The following USP13 variants were observed in gnomAD, a reference collection of about 807,000 sequenced individuals.
USP13 encodes ubiquitin carboxyl-terminal hydrolase 13.
In USP13, 68 loss-of-function variants were observed where a neutral mutation model predicts 107.8. The observed-to-expected ratio is 0.63, with a 90% CI of 0.52 to 0.77. The LOEUF (loss-of-function observed/expected upper bound fraction) is 0.77. USP13 is among the 30% of genes least tolerant of loss of function. The probability of loss-of-function intolerance (pLI) is 0.00; values close to 1 mark genes in which losing one functional copy is unlikely to be tolerated. For synonymous variants in USP13, 377 were observed against 389.5 expected (o/e 0.97, Z 0.38); for missense variants, 945 against 1,093.3 (o/e 0.86, Z 1.91).
chr3:179,669,340 G>T (rs1204339118), intron 1 of USP13, among the ~76,000 whole-genome samples: 2 of 152,014 alleles, frequency 1.3e-5, no homozygotes, highest in East Asian at 1.9e-4. Flanking sequence ...CACGCCTGTG[G>T]TCCCAGCTAC....
At position 179,732,453 on chromosome 3, in the gene USP13, C is replaced by T. The variant is rs560926984; in HGVS notation, c.1254+1744C>T. ...GGTGGTGAAGGAGCTGGGAGTCGGA[C>T]TCAGGAGCCTGGCTTTCCCTTCTGG... On this transcript the variant is annotated intron_variant, in intron 10 of 20. Coordinates refer to ENST00000263966, the MANE Select transcript of USP13 (RefSeq NM_003940.3). Among the ~76,000 whole-genome samples the T allele has an allele frequency of 7.2e-5, 11 of 152,278 alleles. No homozygotes were observed. In the South Asian group the frequency reaches 2.1e-3, roughly 29 times the overall value.
chr3:179,772,290 T>C (rs1171528782), intron 19 of USP13, among the ~76,000 whole-genome samples: 2 of 152,262 alleles, frequency 1.3e-5, no homozygotes, highest in Non-Finnish European at 2.9e-5. Flanking sequence ...ATTTCTGTTT[T>C]CATGTTTCAC....
In USP13 at chr3:179,693,326, T is replaced by A. The variant is rs573240925; in HGVS notation, c.355+3025T>A. Among the ~76,000 whole-genome samples the A allele has an allele frequency of 5.3e-3, 804 of 152,028 alleles. 11 individuals carry two copies. Among genetic ancestry groups the A allele is most frequent in the African/African-American group, 0.017 (702 of 41,454 alleles). ...ACCACACATGGTTAATTAAAAAAAA[T>A]TTTTTTTAAAGTGATGGGGTCTCAC... On this transcript the variant is annotated intron_variant, in intron 3 of 20. Coordinates refer to ENST00000263966, the MANE Select transcript of USP13 (RefSeq NM_003940.3).
intron 6 of USP13, among the ~76,000 whole-genome samples, chr3:179,714,892 G>T (rs1276746680): frequency 7.1e-6 from 1 of 141,440 alleles, no homozygotes. Context: ...TTTGTTTGAG[G>T]CAGGGTCTCA....
At position 179,761,150 on chromosome 3, in the gene USP13, G is replaced by A. The variant is rs61733591; in HGVS notation, c.1987G>A (p.Glu663Lys). The A allele has an allele frequency of 1.3e-5, 21 of 1,614,072 alleles. No individual in the cohort carries two copies. In the African/African-American group the frequency reaches 2.1e-4, roughly 16 times the overall value. ...IDESSVMQLAEMGFPLEACRK... is the reference protein window; with the variant it reads ...IDESSVMQLAKMGFPLEACRK... ...TGAGTCATCAGTGATGCAGCTGGCC[G>A]AGATGGGTTTCCCGCTGGAAGCATG... is the stretch of plus-strand genomic sequence containing the variant. The change falls in exon 17 of 21, where the codon GAG becomes AAG. Residue 663 changes from glutamate (E) to lysine (K), a missense_variant. Coordinates refer to ENST00000263966, the MANE Select transcript of USP13 (RefSeq NM_003940.3).
In USP13 at chr3:179,742,051, T is replaced by A; in HGVS notation, c.1381-146T>A. On this transcript the variant is annotated intron_variant, in intron 11 of 20. Transcript: ENST00000263966. This position sits in a 1 kb window ranked among gnomAD's most constrained non-coding sequence, Gnocchi z 5.0. The stretch of plus-strand genomic sequence containing the variant: ...CTTTAGATAAATTCCAGTGTTTTTC[T>A]ATTAAAGTGCTTTGGTGAATGGGCA... 1.1e-6 allele frequency: 1 copy of A among 937,678 alleles called. No homozygotes were observed. Among genetic ancestry groups the A allele is most frequent in the Non-Finnish European group, 1.5e-6 (1 of 654,832 alleles). 58.1% of individuals were successfully genotyped at this position (937,678 alleles called of 1,614,324 possible).
intron 13 of USP13, among the ~76,000 whole-genome samples, chr3:179,747,851 G>A (rs1714463311): frequency 6.6e-6 from 1 of 152,166 alleles, no homozygotes; most frequent in South Asian, 2.1e-4. Context: ...TAGAATCCTG[G>A]AGGAGGGGTT....
At chr3:179,720,174 AT>A in intron 7 of USP13, 140 bp downstream of exon 7, 1 of 538,582 alleles carries the variant, frequency 1.9e-6, no homozygotes, top group Non-Finnish European at 3.0e-6. Flanking sequence ...TAATTGTTGC[AT>A]TTACTTCTTG....
rs573888994 is a variant in USP13, at chr3:179,769,761, C to T, written c.2413+3913C>T. 3.9e-5 allele frequency among the ~76,000 whole-genome samples: 6 copies of T among 152,204 alleles called. No individual in the cohort carries two copies. In the South Asian group the frequency reaches 1.2e-3, roughly 32 times the overall value. Reference sequence around the variant, plus strand: ...TCAATTCACAGAAGTACAGCATATGCCTAATGTAATCCCTATCCAGGGAAT... The same window carrying T: ...TCAATTCACAGAAGTACAGCATATGTCTAATGTAATCCCTATCCAGGGAAT... On this transcript the variant is annotated intron_variant, in intron 19 of 20. Coordinates refer to ENST00000263966, the MANE Select transcript of USP13 (RefSeq NM_003940.3).
rs1372201136 is a variant in USP13, at chr3:179,741,774, A to G, written c.1381-423A>G. On this transcript the variant is annotated intron_variant, in intron 11 of 20. Transcript: ENST00000263966. ...TCACTTAAATGTTTGCCACATCATC[A>G]CATCTGTTAACAGAGCATAATTTCT... 2.0e-5 allele frequency among the ~76,000 whole-genome samples: 3 copies of G among 152,356 alleles called. No individual in the cohort carries two copies. The East Asian group carries it at 5.8e-4, about 29-fold the overall frequency.
In USP13 at chr3:179,698,212, C is replaced by A. The variant is rs139728915; in HGVS notation, c.356-2796C>A. The stretch of plus-strand genomic sequence containing the variant: ...GAATACTCAGATTTCACAGAAGATC[C>A]CCACATGGTACCATGGTCTTGCAGC... On this transcript the variant is annotated intron_variant, in intron 3 of 20. Transcript: ENST00000263966. 5.9e-3 allele frequency among the ~76,000 whole-genome samples: 895 copies of A among 152,116 alleles called. 9 individuals carry two copies. The highest frequency in any genetic ancestry group is 0.021 in the African/African-American group (851 of 41,500).
intron 3 of USP13, among the ~76,000 whole-genome samples, chr3:179,694,584 C>T (rs1712220809): frequency 6.6e-6 from 1 of 151,996 alleles, no homozygotes. Context: ...GGGTGGATCA[C>T]CTGAGGTCAG....
intron 1 of USP13, among the ~76,000 whole-genome samples, chr3:179,680,240 T>C (rs527629229): frequency 6.6e-6 from 1 of 152,136 alleles, no homozygotes; most frequent in Non-Finnish European, 1.5e-5. Context: ...ACAATATACA[T>C]GAAGCATATC....
chr3:179,699,504 G>A (rs1712433155), intron 3 of USP13, among the ~76,000 whole-genome samples: 1 of 151,944 alleles, frequency 6.6e-6, no homozygotes, highest in African/African-American at 2.4e-5. Flanking sequence ...TTGAGGCAAG[G>A]TATTTGAGAC....
intron 19 of USP13, among the ~76,000 whole-genome samples, chr3:179,774,770 A>G (rs989367058): frequency 2.6e-5 from 4 of 152,036 alleles, no homozygotes; most frequent in Non-Finnish European, 5.9e-5. Context: ...ATCTGACCCC[A>G]CCCACATCCT....
At chr3:179,756,930 C>CA (rs1714825638) in intron 15 of USP13, 122 bp from the exon 16 acceptor site, 2 of 949,084 alleles carry the variant, frequency 2.1e-6, no homozygotes, top group South Asian at 3.0e-5. Context: ...GGATTGACAA[C>CA]AGTGTGTGGT....
rs539404108 is a variant in USP13 at position 179,693,668 on chromosome 3, G to GTTTA, written c.355+3387_355+3390dup. On this transcript the variant is annotated intron_variant, in intron 3 of 20. Coordinates refer to ENST00000263966, the MANE Select transcript of USP13 (RefSeq NM_003940.3). ...GTAAATTTAAAACACTAGTAACTTT[G>GTTTA]TTTATTTATTTATTTATTTATTTGA... 3.3e-4 allele frequency among the ~76,000 whole-genome samples: 50 copies of GTTTA among 151,878 alleles called. 1 individual carries two copies. In the South Asian group the frequency reaches 5.8e-3, roughly 18 times the overall value.
rs201656386 is a variant in USP13 at position 179,761,299 on chromosome 3, C to T, written c.2092+44C>T. On this transcript the variant is annotated intron_variant, in intron 17 of 20. Coordinates refer to ENST00000263966, the MANE Select transcript of USP13 (RefSeq NM_003940.3). Reference sequence around the variant, plus strand: ...GAATGGCTTTGGAGTCTGATGTGACCCTCAGTGATGCTGAGTCCTGGTCCT... The same window carrying T: ...GAATGGCTTTGGAGTCTGATGTGACTCTCAGTGATGCTGAGTCCTGGTCCT... The T allele has an allele frequency of 5.0e-6, 8 of 1,609,936 alleles. No homozygotes were observed. In the East Asian group the frequency reaches 1.3e-4, roughly 27 times the overall value.
At chr3:179,781,122 C>T (rs1003245433) in intron 19 of USP13, among the ~76,000 whole-genome samples, 12 of 152,194 alleles carry the variant, frequency 7.9e-5, no homozygotes, top group Admixed American at 7.9e-4. Context: ...CTCATCCTCT[C>T]AGAGGCCATA....
Sources: gnomAD v4.1 joint callset for allele counts (sites outside exome capture counted in the v4.1 genomes callset) on GRCh38, gnomAD v4.1.1 for gene constraint, Gnocchi (gnomAD v3.1) non-coding constraint, MANE v1.5 for transcripts, NCBI Gene and HGNC (gene_info 2026-07-23, HGNC 2026-07-21) for gene names.